The following DNMT3B variants were observed in gnomAD, a reference collection of about 807,000 sequenced individuals.
DNMT3B encodes the protein DNA methyltransferase 3 beta.
Under a neutral mutation model 120.2 loss-of-function variants are expected in DNMT3B, and 37 were observed. That is an observed-to-expected ratio of 0.31 (90% CI 0.24 to 0.40). The LOEUF (loss-of-function observed/expected upper bound fraction) is 0.40, where lower values mean the gene tolerates loss of function less well. Among genes scored for constraint, DNMT3B ranks in the 10% least tolerant of loss-of-function variants. DNMT3B has a pLI of 1.00. For missense variants in DNMT3B, 878 were observed against 1,137.3 expected (o/e 0.77, Z 3.28); for synonymous variants, 412 against 442.8 (o/e 0.93, Z 0.87).
At position 32,780,360 on chromosome 20, in the gene DNMT3B, G is replaced by A. The variant is rs368407604; in HGVS notation, c.37G>A (p.Asp13Asn). ...CACCAGGCATCTCAATGGAGAGGAG[G>A]ACGCCGGCGGGAGGGAAGACTCGAT... ...GDTRHLNGEE[D>N]AGGREDSILV... Residue 13 changes from aspartate (D) to asparagine (N), a missense_variant, in exon 2 of 23, where the codon GAC (aspartate) becomes AAC (asparagine). Asp to Asn is a conservative substitution (Grantham distance 23, BLOSUM62 1). This residue lies in a region of DNMT3B where 287 missense variants were observed against 306.2 expected (regional missense o/e 0.94). Transcript: ENST00000328111. 6.2e-7 allele frequency: 1 copy of A among 1,613,936 alleles called. No homozygotes were observed. Among genetic ancestry groups the A allele is most frequent in the Non-Finnish European group, 8.5e-7 (1 of 1,180,020 alleles).
chr20:32,765,122 G>A (rs960861406), intron 1 of DNMT3B, among the ~76,000 whole-genome samples: 22 of 152,202 alleles, frequency 1.4e-4, no homozygotes, highest in African/African-American at 5.3e-4. Flanking sequence ...GAGGTTGTGT[G>A]CTCTTCCTCA....
At chr20:32,787,507 A>G (rs1979470842) in intron 6 of DNMT3B, 56 bp downstream of exon 6, 1 of 1,559,348 alleles carries the variant, frequency 6.4e-7, no homozygotes, top group Admixed American at 1.9e-5. Context: ...ACACGGGGAA[A>G]AACCAGTTAC....
intron 1 of DNMT3B, among the ~76,000 whole-genome samples, chr20:32,770,071 CTTCGACT>C (rs1008068373): frequency 6.6e-6 from 1 of 152,082 alleles, no homozygotes; most frequent in African/African-American, 2.4e-5. Context: ...TGCCCAGTAG[CTTCGACT>C]ACAGGCACTT....
Position 32,792,787 on chromosome 20 carries a change from A to AT in DNMT3B, c.1066+18dup, listed in dbSNP as rs746453779. On this transcript the variant is annotated intron_variant, in intron 9 of 22. Transcript: ENST00000328111. ...CGCAACCAGGTGGGAATGAGTCCCC[A>AT]TGGCAGCACCCGCTGCCTCTGCTGG... The AT allele has an allele frequency of 4.3e-6, 7 of 1,613,884 alleles. No homozygotes were observed. In the Admixed American group the frequency reaches 1.2e-4, roughly 27 times the overall value.
At chr20:32,776,763 T>C (rs1988091993) in intron 1 of DNMT3B, among the ~76,000 whole-genome samples, 1 of 152,186 alleles carries the variant, frequency 6.6e-6, no homozygotes, top group African/African-American at 2.4e-5. Flanking sequence ...TATTTATATA[T>C]GTGGGAAGAA....
At chr20:32,782,802 C>T (rs543757966) in intron 3 of DNMT3B, among the ~76,000 whole-genome samples, 21 of 152,224 alleles carry the variant, frequency 1.4e-4, no homozygotes, top group Admixed American at 3.3e-4. Context: ...TGCATGTATC[C>T]CCCCTGGATA....
chr20:32,782,063 G>C (rs1403235589), intron 3 of DNMT3B, among the ~76,000 whole-genome samples: 3 of 152,190 alleles, frequency 2.0e-5, no homozygotes, highest in African/African-American at 4.8e-5. Flanking sequence ...GAAGTTGTTA[G>C]ATCTGTGGTA....
intron 1 of DNMT3B, among the ~76,000 whole-genome samples, chr20:32,768,523 C>T (rs911066118): frequency 4.6e-5 from 7 of 151,960 alleles, no homozygotes; most frequent in Non-Finnish European, 8.8e-5. Context: ...GATAGGCTCT[C>T]GGTATGTTGC....
At chr20:32,792,799 G>GCTGCCTCTGCTGGTGGGACCACTTCTT in intron 9 of DNMT3B, 29 bp downstream of exon 9, 1 of 1,613,286 alleles carries the variant, frequency 6.2e-7, no homozygotes, top group Non-Finnish European at 8.5e-7. Flanking sequence ...GGCAGCACCC[G>GCTGCCTCTGCTGGTGGGACCACTTCTT]CTGCCTCTGC....
At chr20:32,806,814 A>G (rs910069904) in intron 22 of DNMT3B, among the ~76,000 whole-genome samples, 1 of 117,506 alleles carries the variant, frequency 8.5e-6, no homozygotes, top group South Asian at 3.7e-4. Flanking sequence ...TCACTCCTCT[A>G]TTGTTTGTTC....
intron 1 of DNMT3B, among the ~76,000 whole-genome samples, chr20:32,764,799 T>A (rs1466248298): frequency 1.3e-5 from 2 of 152,126 alleles, no homozygotes. Flanking sequence ...CCCCCACCCC[T>A]TGCAAAGGAT....
chr20:32,781,532 C>T lies in DNMT3B; in HGVS notation c.204+118C>T, dbSNP rs1263707717. 8.5e-6 allele frequency: 9 copies of T among 1,059,816 alleles called. No individual in the cohort carries two copies. The Admixed American group carries it at 9.1e-5, about 11-fold the overall frequency. The allele number at this position is 1,059,816 out of a possible 1,614,324, so 65.7% of individuals were successfully genotyped here. A position where few individuals can be genotyped will look rare whatever the true frequency, so the allele number is the denominator to read the frequency against. On this transcript the variant is annotated intron_variant, in intron 3 of 22. Transcript: ENST00000328111. The stretch of plus-strand genomic sequence containing the variant: ...TGCAAATGTATGGAGGGTTGCCGAG[C>T]TAGATGCTTTCTGCATATATTTGGC...
At chr20:32,762,789 G>A (rs1020055088) in intron 1 of DNMT3B, 90 bp downstream of exon 1, 54 of 154,268 alleles carry the variant, frequency 3.5e-4, no homozygotes, top group Middle Eastern at 3.3e-3. Flanking sequence ...CGAAGCTGCC[G>A]GGGAGAGACC....
intron 3 of DNMT3B, among the ~76,000 whole-genome samples, chr20:32,782,091 C>A (rs538971491): frequency 1.3e-5 from 2 of 151,970 alleles, no homozygotes; most frequent in African/African-American, 4.8e-5. Context: ...ATCTTCCAGC[C>A]GTGAAATCAT....
rs1389257223 is a variant in DNMT3B, at chr20:32,762,599, C to G, written c.-107C>G. 1 of 327,980 alleles carries G rather than the reference C, an allele frequency of 3.0e-6. No individual in the cohort carries two copies. Among genetic ancestry groups the G allele is most frequent in the Non-Finnish European group, 6.3e-6 (1 of 158,512 alleles). The allele number at this position is 327,980 out of a possible 1,614,324, so 20.3% of individuals were successfully genotyped here. ...AGCTCGGCGATCGGCGCCGGAGATT[C>G]GCGAGCCCAGCGCCCTGCACGGCCG... On this transcript the variant is annotated 5_prime_UTR_variant, in exon 1 of 23. Coordinates refer to ENST00000328111, the MANE Select transcript of DNMT3B (RefSeq NM_006892.4).
chr20:32,767,111 C>T (rs1383413178), intron 1 of DNMT3B, among the ~76,000 whole-genome samples: 3 of 151,836 alleles, frequency 2.0e-5, no homozygotes, highest in African/African-American at 4.8e-5. Flanking sequence ...AGGCTGGTCT[C>T]GAACTCCCAA....
chr20:32,792,673 C>G lies in DNMT3B; in HGVS notation c.969C>G (p.Asp323Glu). 1 of 1,614,262 alleles carries G rather than the reference C, an allele frequency of 6.2e-7. No homozygotes were observed. The highest frequency in any genetic ancestry group is 8.5e-7 in the Non-Finnish European group (1 of 1,180,048). ...AGKTFPSSPG[D>E]SLEDQLKPML... Reference sequence around the variant, plus strand: ...AGACCTTCCCCAGCAGCCCTGGAGACTCATTGGAGGACCAGCTGAAGCCCA... The same window carrying G: ...AGACCTTCCCCAGCAGCCCTGGAGAGTCATTGGAGGACCAGCTGAAGCCCA... Residue 323 changes from aspartate to glutamate, a missense_variant, in exon 9 of 23, where the codon GAC becomes GAG. Around this residue, in one of 4 missense-constraint regions of DNMT3B, gnomAD observed 207 missense variants for 222.6 expected, o/e 0.93. Transcript: ENST00000328111.
chr20:32,796,257 C>G (rs1388243305), intron 12 of DNMT3B, among the ~76,000 whole-genome samples: 2 of 152,198 alleles, frequency 1.3e-5, no homozygotes, highest in Non-Finnish European at 2.9e-5. Flanking sequence ...CTCACTCCCC[C>G]ATCTGGCTAG....
intron 2 of DNMT3B, 144 bp downstream of exon 2, chr20:32,780,609 G>A: frequency 1.5e-6 from 2 of 1,349,838 alleles, no homozygotes; most frequent in South Asian, 1.4e-5. Context: ...AAGGAGGGAT[G>A]CAGGGTCGAG....
Sources: gnomAD v4.1 joint callset for allele counts (sites outside exome capture counted in the v4.1 genomes callset) on GRCh38, gnomAD v4.1.1 for gene constraint, gnomAD v4.1.1 regional missense constraint, MANE v1.5 for transcripts, NCBI Gene and HGNC (gene_info 2026-07-23, HGNC 2026-07-21) for gene names.